The following ZNF700 variants were observed in gnomAD, a reference collection of about 807,000 sequenced individuals.
The protein encoded by ZNF700 is zinc finger protein 700.
A neutral mutation model predicts 65.3 loss-of-function variants in ZNF700; 38 were observed. The observed-to-expected ratio is 0.58, with a 90% CI of 0.45 to 0.76. ZNF700 has a LOEUF of 0.76. Ranked by LOEUF, ZNF700 falls within the 30% of genes least tolerant of loss-of-function variation. The pLI is 0.00. For synonymous variants in ZNF700, 285 were observed against 290.4 expected (o/e 0.98, Z 0.19); for missense variants, 857 against 888.4 (o/e 0.96, Z 0.45).
intron 1 of ZNF700, among the ~76,000 whole-genome samples, chr19:11,926,908 G>T (rs1344417119): frequency 6.6e-6 from 1 of 152,118 alleles, no homozygotes; most frequent in African/African-American, 2.4e-5. Context: ...AGACTCTAGG[G>T]AAATAGACTC....
intron 3 of ZNF700, among the ~76,000 whole-genome samples, 153 bp from the exon 4 acceptor site, chr19:11,948,123 G>A (rs906399534): frequency 3.9e-5 from 6 of 152,324 alleles, no homozygotes; most frequent in African/African-American, 7.2e-5. Context: ...GGGTCATCTT[G>A]TAGAACATGT....
rs1180486280 is a variant in ZNF700 at position 11,947,563 on chromosome 19, A to G, written c.240A>G (p.Arg80=). 39 of 1,613,460 alleles carry G rather than the reference A, an allele frequency of 2.4e-5. 1 individual carries two copies. In the Admixed American group the frequency reaches 6.3e-4, roughly 26 times the overall value. Residue 80 remains arginine, a synonymous_variant, in exon 3 of 4, where the codon AGA becomes AGG. Coordinates refer to ENST00000254321, the MANE Select transcript of ZNF700 (RefSeq NM_144566.3). The stretch of plus-strand genomic sequence containing the variant: ...TTGAATATGAGTACCAAAACCCCAG[A>G]AGAAGCTTCAGGTAATTTGCATTTC... The part of the protein sequence containing the change: ...QNIEYEYQNP[R]RSFRSLIEEK...
In ZNF700 at chr19:11,949,217, CCTTCAATCT is replaced by C. The variant is rs1568298181; in HGVS notation, c.1194_1202del (p.Phe399_Leu401del). The stretch of plus-strand genomic sequence containing the variant: ...TATAAATGCAAGCAATGTGGTAAAG[CCTTCAATCT>C]TTCCAGTTCCTTTCGATATCATGAA... On this transcript the variant is annotated inframe_deletion, in exon 4 of 4. Transcript: ENST00000254321. 6.2e-7 allele frequency: 1 copy of C among 1,613,746 alleles called. No homozygotes were observed. The highest frequency in any genetic ancestry group is 8.5e-7 in the Non-Finnish European group (1 of 1,179,896).
Position 11,950,487 on chromosome 19 carries a change from T to C in ZNF700, c.*234T>C. 1 of 658,520 alleles carries C rather than the reference T, an allele frequency of 1.5e-6. No homozygotes were observed. The highest frequency in any genetic ancestry group is 2.8e-6 in the Non-Finnish European group (1 of 360,194). The allele number at this position is 658,520 out of a possible 1,614,324, so 40.8% of individuals were successfully genotyped here. A position where few individuals can be genotyped will look rare whatever the true frequency, so the allele number is the denominator to read the frequency against. On this transcript the variant is annotated 3_prime_UTR_variant, in exon 4 of 4. Transcript: ENST00000254321. ...AGAAACCCTATGAGTGTATTCTAGT[T>C]CCGTTTGATATCATGAAAGGACTTA...
At chr19:11,933,479 G>T (rs977527978) in intron 1 of ZNF700, among the ~76,000 whole-genome samples, 3 of 147,768 alleles carry the variant, frequency 2.0e-5, no homozygotes, top group Non-Finnish European at 4.4e-5. Context: ...ACAGAAGCGT[G>T]TCACAGGCCT....
In ZNF700 at chr19:11,925,126, C is replaced by G. The variant is rs1972602679; in HGVS notation, c.-85C>G. On this transcript the variant is annotated 5_prime_UTR_variant, in exon 1 of 4. Transcript: ENST00000254321. The stretch of plus-strand genomic sequence containing the variant: ...CGCTTTCCTCACCTTCCTCGCTGCG[C>G]GGGCGGCGGTTGGTAACCGGTCAGA... 2.6e-6 allele frequency: 4 copies of G among 1,534,278 alleles called. No homozygotes were observed. Among genetic ancestry groups the G allele is most frequent in the Admixed American group, 1.8e-5 (1 of 55,028 alleles).
At chr19:11,926,847 G>A (rs1397048295) in intron 1 of ZNF700, among the ~76,000 whole-genome samples, 1 of 152,142 alleles carries the variant, frequency 6.6e-6, no homozygotes, top group Non-Finnish European at 1.5e-5. Flanking sequence ...ATTTCAGTTG[G>A]AAGAGTTTAT....
chr19:11,941,484 C>T (rs1013668260), intron 1 of ZNF700, among the ~76,000 whole-genome samples: 7 of 152,220 alleles, frequency 4.6e-5, no homozygotes, highest in South Asian at 2.1e-4. Flanking sequence ...AGCGCAGCAC[C>T]GGTGGGCTGG....
rs1226807244 is a variant in ZNF700, at chr19:11,950,111, G to T, written c.2087G>T (p.Arg696Ile). 6.2e-7 allele frequency: 1 copy of T among 1,614,012 alleles called. No individual in the cohort carries two copies. The highest frequency in any genetic ancestry group is 1.3e-5 in the African/African-American group (1 of 74,934). ...TSAKILQIHARTHIGEKHYEC... is the reference protein window; with the variant it reads ...TSAKILQIHAITHIGEKHYEC... ...GCCAAGATTCTTCAAATACATGCAA[G>T]AACACACATTGGAGAGAAACACTAT... is the stretch of plus-strand genomic sequence containing the variant. The change falls in exon 4 of 4, where the codon AGA becomes ATA. Residue 696 changes from arginine (R) to isoleucine (I), a missense_variant. Physicochemically the swap from Arg to Ile is moderately conservative, Grantham distance 97. Around this residue, in one of 3 missense-constraint regions of ZNF700, gnomAD observed 251 missense variants for 250.3 expected, o/e 1.00. Coordinates refer to ENST00000254321, the MANE Select transcript of ZNF700 (RefSeq NM_144566.3).
intron 1 of ZNF700, among the ~76,000 whole-genome samples, chr19:11,934,817 C>T (rs1012295237): frequency 2.0e-5 from 3 of 147,970 alleles, no homozygotes; most frequent in Non-Finnish European, 2.9e-5. Flanking sequence ...TGAGCCACTG[C>T]GCCCGGCCTG....
Position 11,949,359 on chromosome 19 carries a change from C to G in ZNF700, c.1335C>G (p.Pro445=), listed in dbSNP as rs370242326. Residue 445 remains proline, a synonymous_variant, in exon 4 of 4, where the codon CCC becomes CCG. Coordinates refer to ENST00000254321, the MANE Select transcript of ZNF700 (RefSeq NM_144566.3). ...VHGGTHTGEK[P]YECKECGKAF... ...GTGGGACTCACACTGGAGAGAAACC[C>G]TATGAATGTAAGGAATGTGGGAAAG... 2 of 1,613,594 alleles carry G rather than the reference C, an allele frequency of 1.2e-6. No individual in the cohort carries two copies. Among genetic ancestry groups the G allele is most frequent in the Admixed American group, 1.7e-5 (1 of 59,954 alleles).
rs1209277416 is a variant in ZNF700 at position 11,930,900 on chromosome 19, G to A, written c.63+5627G>A. Among the ~76,000 whole-genome samples the A allele has an allele frequency of 1.4e-5, 2 of 147,314 alleles. 1 individual carries two copies. Among genetic ancestry groups the A allele is most frequent in the African/African-American group, 5.4e-5 (2 of 37,260 alleles). On this transcript the variant is annotated intron_variant, in intron 1 of 3. Coordinates refer to ENST00000254321, the MANE Select transcript of ZNF700 (RefSeq NM_144566.3). Reference sequence around the variant, plus strand: ...TGTAATCCCAGCTACTCGGGAGGCTGAGGCAGGAGAATCACTTGAACCTGG... The same window carrying A: ...TGTAATCCCAGCTACTCGGGAGGCTAAGGCAGGAGAATCACTTGAACCTGG...
At chr19:11,939,322 T>C (rs1471943736) in intron 1 of ZNF700, among the ~76,000 whole-genome samples, 2 of 152,228 alleles carry the variant, frequency 1.3e-5, no homozygotes, top group South Asian at 2.1e-4. Flanking sequence ...CTGAATGGTA[T>C]TGCCTAGGTT....
intron 1 of ZNF700, among the ~76,000 whole-genome samples, chr19:11,937,116 A>G (rs575708106): frequency 6.6e-6 from 1 of 152,260 alleles, no homozygotes; most frequent in African/African-American, 2.4e-5. Flanking sequence ...TCATTCACAG[A>G]TCATGCTTTT....
intron 1 of ZNF700, among the ~76,000 whole-genome samples, chr19:11,934,834 T>C (rs1477224810): frequency 6.8e-6 from 1 of 147,672 alleles, no homozygotes; most frequent in Non-Finnish European, 1.5e-5. Flanking sequence ...CCTGTTTTCA[T>C]TTCGCTCTTT....
intron 1 of ZNF700, among the ~76,000 whole-genome samples, chr19:11,945,162 T>C (rs1304168189): frequency 6.6e-6 from 1 of 152,134 alleles, no homozygotes. Flanking sequence ...CTGACATAAG[T>C]TTTTCCTTTA....
intron 1 of ZNF700, among the ~76,000 whole-genome samples, chr19:11,941,131 C>A (rs200823100): frequency 6.6e-6 from 1 of 152,194 alleles, no homozygotes; most frequent in Non-Finnish European, 1.5e-5. Context: ...GTTTACAAAC[C>A]TTAAGCTAGA....
rs189867208 is a variant in ZNF700, at chr19:11,948,150, G to T, written c.252-126G>T. The T allele has an allele frequency of 6.3e-5, 72 of 1,143,198 alleles. 1 individual carries two copies. In the East Asian group the frequency reaches 1.7e-3, roughly 26 times the overall value. The allele number at this position is 1,143,198 out of a possible 1,614,324, so 70.8% of individuals were successfully genotyped here. Reference sequence around the variant, plus strand: ...AGAACATGTCCAGTCACCTTCAAACGATTCAGACAGGGCAGAAAGCCTACA... The same window carrying T: ...AGAACATGTCCAGTCACCTTCAAACTATTCAGACAGGGCAGAAAGCCTACA... On this transcript the variant is annotated intron_variant, in intron 3 of 3. Transcript: ENST00000254321.
At position 11,931,798 on chromosome 19, in the gene ZNF700, T is replaced by A. The variant is rs908400518; in HGVS notation, c.63+6525T>A. Among the ~76,000 whole-genome samples, 2 of 148,348 alleles carry A rather than the reference T, an allele frequency of 1.3e-5. 1 individual carries two copies. The highest frequency in any genetic ancestry group is 5.3e-5 in the African/African-American group (2 of 38,044). The stretch of plus-strand genomic sequence containing the variant: ...ATCATTTTTTATCCTTCTTGAGACT[T>A]TTTTGGACTTCAAGAAAATTAGTTT... On this transcript the variant is annotated intron_variant, in intron 1 of 3. Coordinates refer to ENST00000254321, the MANE Select transcript of ZNF700 (RefSeq NM_144566.3).
Sources: gnomAD v4.1 joint callset for allele counts (sites outside exome capture counted in the v4.1 genomes callset) on GRCh38, gnomAD v4.1.1 for gene constraint, gnomAD v4.1.1 regional missense constraint, MANE v1.5 for transcripts, NCBI Gene and HGNC (gene_info 2026-07-23, HGNC 2026-07-21) for gene names.